ENG: variants seen among roughly 807,000 people sequenced by gnomAD.
ENG encodes endoglin, also known as CD105 antigen.
In ENG, 17 loss-of-function variants were observed where a neutral mutation model predicts 71.0. The observed-to-expected ratio is 0.24, with a 90% CI of 0.16 to 0.36. ENG has a LOEUF of 0.36. Among genes scored for constraint, ENG ranks in the 10% least tolerant of loss-of-function variants. The pLI is 1.00. For synonymous variants in ENG, 360 were observed against 366.9 expected (o/e 0.98, Z 0.21); for missense variants, 749 against 868.3 (o/e 0.86, Z 1.73).
chr9:127,820,857 C>G (rs1012735066), intron 8 of ENG, among the ~76,000 whole-genome samples: 12 of 151,656 alleles, frequency 7.9e-5, no homozygotes, highest in Non-Finnish European at 1.6e-4. Context: ...TATATATATT[C>G]CTTCAAGTTC....
At chr9:127,830,331 G>C in intron 2 of ENG, among the ~76,000 whole-genome samples, 1 of 127,532 alleles carries the variant, frequency 7.8e-6, no homozygotes, top group East Asian at 2.5e-4. Context: ...AACAGAGTGA[G>C]ACTCCATCTA....
chr9:127,825,216 C>T lies in ENG; in HGVS notation c.816+15G>A. On this transcript the variant is annotated intron_variant, in intron 6 of 14. Coordinates refer to ENST00000373203, the MANE Select transcript of ENG (RefSeq NM_001114753.3). ...GAGTTTGGGTTTTGTGTCCCGGGAG[C>T]TGCGCACAACTCACCCAGATCTGCA... 3 of 1,613,076 alleles carry T rather than the reference C, an allele frequency of 1.9e-6. No homozygotes were observed. The highest frequency in any genetic ancestry group is 2.5e-6 in the Non-Finnish European group (3 of 1,179,854).
Position 127,854,598 on chromosome 9 carries a change from C to T in ENG, c.-243G>A. On this transcript the variant is annotated 5_prime_UTR_variant, in exon 1 of 15. Transcript: ENST00000373203. ...ATGGGCGGGGAGGGGGTGCTGGGCT[C>T]CAATGGATGGCAGTGACAGCAGCAG... 3 of 564,710 alleles carry T rather than the reference C, an allele frequency of 5.3e-6. No individual in the cohort carries two copies. The highest frequency in any genetic ancestry group is 3.1e-6 in the Non-Finnish European group (1 of 319,042). 35.0% of individuals were successfully genotyped at this position (564,710 alleles called of 1,614,324 possible). A position where few individuals can be genotyped will look rare whatever the true frequency, so the allele number is the denominator to read the frequency against.
rs1177167259 is a variant in ENG, at chr9:127,817,134, C to T, written c.1741+15G>A. On this transcript the variant is annotated intron_variant, in intron 13 of 14. Coordinates refer to ENST00000373203, the MANE Select transcript of ENG (RefSeq NM_001114753.3). ...AGCCACTAGAACAAACCCGAGAGACCTGGAGGGAGCTCACCAGACAGGTCA... is the reference window on the plus strand; with the variant it reads ...AGCCACTAGAACAAACCCGAGAGACTTGGAGGGAGCTCACCAGACAGGTCA... The T allele has an allele frequency of 1.9e-6, 3 of 1,614,158 alleles. No individual in the cohort carries two copies. Among genetic ancestry groups the T allele is most frequent in the South Asian group, 2.2e-5 (2 of 91,082 alleles).
rs757885743 is a variant in ENG at position 127,824,276 on chromosome 9, T to G, written c.1134+28A>C. 4 of 1,614,092 alleles carry G rather than the reference T, an allele frequency of 2.5e-6. No homozygotes were observed. In the East Asian group the frequency reaches 8.9e-5, roughly 36 times the overall value. ...GAGGAACCAGATGTCCATGTCATCC[T>G]GAGCCAGAGGGGCAGGAGTTCCCTT... On this transcript the variant is annotated intron_variant, in intron 8 of 14. Transcript: ENST00000373203.
chr9:127,844,909 G>A (rs1244290246), intron 1 of ENG, among the ~76,000 whole-genome samples: 1 of 152,216 alleles, frequency 6.6e-6, no homozygotes, highest in Non-Finnish European at 1.5e-5. Flanking sequence ...AAGGGACAGG[G>A]CGAGCCGAGA....
Position 127,839,928 on chromosome 9 carries a change from G to A in ENG, c.219+3166C>T, listed in dbSNP as rs745786391. ...ACTGATACGAAGACATTCTGTAAAC[G>A]GTAACAACCCTGGCAAAATGGGGAT... On this transcript the variant is annotated intron_variant, in intron 2 of 14. Transcript: ENST00000373203. Among the ~76,000 whole-genome samples the A allele has an allele frequency of 5.3e-5, 8 of 152,102 alleles. 1 individual carries two copies. Among genetic ancestry groups the A allele is most frequent in the Non-Finnish European group, 8.8e-5 (6 of 68,032 alleles).
rs182158733 is a variant in ENG at position 127,848,084 on chromosome 9, G to A, written c.68-4839C>T. The stretch of plus-strand genomic sequence containing the variant: ...CATCATAACAGCTTCCCATGGAGTC[G>A]GCAAGCAGGCCAGTAAATTACACCT... On this transcript the variant is annotated intron_variant, in intron 1 of 14. Coordinates refer to ENST00000373203, the MANE Select transcript of ENG (RefSeq NM_001114753.3). Among the ~76,000 whole-genome samples, 39 of 152,232 alleles carry A rather than the reference G, an allele frequency of 2.6e-4. 1 individual carries two copies. In the East Asian group the frequency reaches 5.6e-3, roughly 22 times the overall value.
intron 1 of ENG, among the ~76,000 whole-genome samples, chr9:127,848,226 C>T (rs1023006742): frequency 1.3e-5 from 2 of 152,054 alleles, no homozygotes; most frequent in African/African-American, 4.8e-5. Flanking sequence ...AAACACACCT[C>T]GCTCCTGCCT....
rs1337329864 is a variant in ENG, at chr9:127,815,067, A to C, written c.*615T>G. ...GTGAATACACAGGGGCAGGCCCAGG[A>C]CAAGCAGCTTGGCTACTCCCCCTCT... On this transcript the variant is annotated 3_prime_UTR_variant, in exon 15 of 15. Transcript: ENST00000373203. 1.3e-5 allele frequency: 2 copies of C among 153,328 alleles called. No homozygotes were observed. Among genetic ancestry groups the C allele is most frequent in the African/African-American group, 4.8e-5 (2 of 41,446 alleles). The allele number at this position is 153,328 out of a possible 1,614,324, so 9.5% of individuals were successfully genotyped here.
chr9:127,826,657 T>C lies in ENG; in HGVS notation c.376A>G (p.Thr126Ala), dbSNP rs1564456742. The C allele has an allele frequency of 1.2e-6, 2 of 1,613,580 alleles. No homozygotes were observed. Among genetic ancestry groups the C allele is most frequent in the African/African-American group, 1.3e-5 (1 of 74,846 alleles). ...LHLAYNSSLVTFQEPPGVNTT... is the reference protein window; with the variant it reads ...LHLAYNSSLVAFQEPPGVNTT... Reference sequence around the variant, plus strand: ...TTGACCCCCGGGGGCTCTTGGAAGGTGACCAGGCTGGAATTCTGGGGAGAC... The same window carrying C: ...TTGACCCCCGGGGGCTCTTGGAAGGCGACCAGGCTGGAATTCTGGGGAGAC... The change falls in exon 4 of 15, where the codon ACC (threonine) becomes GCC (alanine). Residue 126 changes from threonine to alanine, a missense_variant. Thr to Ala is a moderately conservative substitution (Grantham distance 58). Transcript: ENST00000373203.
Position 127,829,731 on chromosome 9 carries a change from A to G in ENG, c.316T>C (p.Phe106Leu), listed in dbSNP as rs1830714804. Reference sequence around the variant, plus strand: ...ATTCCCAGGGCCTGGAGATGCAGGAAGACACTGCTGTTTACACTGAGGACC... The same window carrying G: ...ATTCCCAGGGCCTGGAGATGCAGGAGGACACTGCTGTTTACACTGAGGACC... ...LLVLSVNSSV[F>L]LHLQALGIPL... Residue 106 changes from phenylalanine (F) to leucine (L), a missense_variant, in exon 3 of 15, where the codon TTC becomes CTC. Coordinates refer to ENST00000373203, the MANE Select transcript of ENG (RefSeq NM_001114753.3). The G allele has an allele frequency of 1.2e-6, 2 of 1,614,052 alleles. No homozygotes were observed. Among genetic ancestry groups the G allele is most frequent in the African/African-American group, 2.7e-5 (2 of 74,936 alleles).
intron 7 of ENG, 67 bp from the exon 8 acceptor site, chr9:127,824,513 T>A: frequency 2.0e-5 from 3 of 150,316 alleles, no homozygotes; most frequent in Non-Finnish European, 2.8e-5. Context: ...CGCACCAGGC[T>A]TTTTTTTTTT....
At chr9:127,819,548 C>T in intron 10 of ENG, 74 bp downstream of exon 10, 1 of 1,602,752 alleles carries the variant, frequency 6.2e-7, no homozygotes, top group Non-Finnish European at 8.5e-7. Flanking sequence ...CTGCTCCCTC[C>T]CAGGCCAGGA....
chr9:127,816,055 TAG>T lies in ENG; in HGVS notation c.1742-4_1742-3del. On this transcript the variant is annotated splice_polypyrimidine_tract_variant and splice_region_variant and intron_variant, in intron 13 of 14. Transcript: ENST00000373203. ...GGACGAGGCCTTTGCTTGTGCAACCTAGAGAGGGCCGACGCCATCAGCACTGC... is the reference window on the plus strand; with the variant it reads ...GGACGAGGCCTTTGCTTGTGCAACCTAGAGGGCCGACGCCATCAGCACTGC... 1 of 1,608,850 alleles carries T rather than the reference TAG, an allele frequency of 6.2e-7. No individual in the cohort carries two copies. Among genetic ancestry groups the T allele is most frequent in the African/African-American group, 1.3e-5 (1 of 74,980 alleles).
chr9:127,827,834 G>A (rs944303252), intron 3 of ENG, among the ~76,000 whole-genome samples: 6 of 151,632 alleles, frequency 4.0e-5, no homozygotes, highest in Admixed American at 2.0e-4. Flanking sequence ...TAGCCAACAC[G>A]GTATGAAACA....
At position 127,854,253 on chromosome 9, in the gene ENG, G is replaced by C. The variant is rs772017029; in HGVS notation, c.67+36C>G. On this transcript the variant is annotated intron_variant, in intron 1 of 14. Transcript: ENST00000373203. ...TTGGGGCCTGGTCCGTGCACCGGAG[G>C]CCGAGTCTCCCCACCCTGGGTCCCT... is the stretch of plus-strand genomic sequence containing the variant. 5 of 1,557,132 alleles carry C rather than the reference G, an allele frequency of 3.2e-6. No homozygotes were observed. In the African/African-American group the frequency reaches 6.8e-5, roughly 21 times the overall value.
At chr9:127,817,234 AC>A in intron 12 of ENG, 31 bp from the exon 13 acceptor site, 1 of 1,613,440 alleles carries the variant, frequency 6.2e-7, no homozygotes, top group Non-Finnish European at 8.5e-7. Flanking sequence ...AGTATGTGGC[AC>A]CTTTGGGAGG....
In ENG at chr9:127,854,426, G is replaced by A; in HGVS notation, c.-71C>T. On this transcript the variant is annotated 5_prime_UTR_variant, in exon 1 of 15. Transcript: ENST00000373203. ...GTGGCAGGGCTGCGGGCGGGCACCG[G>A]GGCCGGCGTGGGCTCGCACGGGGAC... is the stretch of plus-strand genomic sequence containing the variant. 1 of 1,491,838 alleles carries A rather than the reference G, an allele frequency of 6.7e-7. No individual in the cohort carries two copies. Among genetic ancestry groups the A allele is most frequent in the Non-Finnish European group, 9.1e-7 (1 of 1,103,310 alleles). The allele number at this position is 1,491,838 out of a possible 1,614,324, so 92.4% of individuals were successfully genotyped here.
Sources: allele counts gnomAD v4.1 joint callset (sites outside exome capture counted in the v4.1 genomes callset), GRCh38; gene constraint gnomAD v4.1.1; transcripts MANE v1.5; gene names NCBI Gene and HGNC (gene_info 2026-07-23, HGNC 2026-07-21).